The following PCDHA1 variants were observed in gnomAD, a reference collection of about 807,000 sequenced individuals.
PCDHA1 encodes protocadherin alpha-1.
A neutral mutation model predicts 61.3 loss-of-function variants in PCDHA1; 42 were observed. That is an observed-to-expected ratio of 0.69 (90% CI 0.54 to 0.89). The LOEUF (loss-of-function observed/expected upper bound fraction) is 0.89, where lower values mean the gene tolerates loss of function less well. Among genes scored for constraint, PCDHA1 ranks in the 40% least tolerant of loss-of-function variants. PCDHA1 has a pLI of 0.00. For synonymous variants in PCDHA1, 610 were observed against 553.8 expected, an observed-to-expected ratio of 1.10 and a Z score of -1.43; for missense variants, 1,256 against 1,235.3, an observed-to-expected ratio of 1.02 and a Z score of -0.25.
chr5:141,005,959 A>G (rs1225421383), intron 3 of PCDHA1, among the ~76,000 whole-genome samples: 1 of 152,048 alleles, frequency 6.6e-6, no homozygotes, highest in African/African-American at 2.4e-5. Context: ...ACAAACAACA[A>G]TAAAAAAACA....
intron 1 of PCDHA1, chr5:140,842,186 G>A (rs2150331306): frequency 1.3e-5 from 21 of 1,613,692 alleles, no homozygotes; most frequent in Middle Eastern, 1.6e-4. Flanking sequence ...TGAAACTATG[G>A]TTATTGACCA....
At chr5:140,881,340 C>T (rs782406068) in intron 1 of PCDHA1, 10 of 984,934 alleles carry the variant, frequency 1.0e-5, no homozygotes, top group African/African-American at 5.2e-5. Context: ...GACGCCGATT[C>T]GGGCTACAAT....
At chr5:140,842,747 A>G (rs2150343510) in intron 1 of PCDHA1, 1 of 1,594,914 alleles carries the variant, frequency 6.3e-7, no homozygotes, top group Admixed American at 1.7e-5. Flanking sequence ...CCACATCTTC[A>G]CGGTGTCTGC....
At chr5:140,801,978 G>A in intron 1 of PCDHA1, 1 of 1,614,188 alleles carries the variant, frequency 6.2e-7, no homozygotes, top group South Asian at 1.1e-5. Flanking sequence ...TGGTACCCTA[G>A]TGGTGACCGT....
At chr5:140,965,015 C>A (rs187456244) in intron 1 of PCDHA1, among the ~76,000 whole-genome samples, 116 of 152,260 alleles carry the variant, frequency 7.6e-4, no homozygotes, top group Non-Finnish European at 1.2e-3. Context: ...AGGATCACAA[C>A]CTTGGCTCCT....
chr5:140,802,697 G>T, intron 1 of PCDHA1: 1 of 1,612,720 alleles, frequency 6.2e-7, no homozygotes, highest in South Asian at 1.1e-5. Flanking sequence ...GGCGGGTGGG[G>T]GAGCGCGCGC....
intron 1 of PCDHA1, chr5:140,969,336 GA>G: frequency 2.5e-6 from 4 of 1,613,996 alleles, no homozygotes; most frequent in Non-Finnish European, 3.4e-6. Context: ...AATGAGGTGA[GA>G]CAGTGGTCAG....
chr5:140,993,282 C>G lies in PCDHA1; in HGVS notation c.2542+10719C>G, dbSNP rs183298575. On this transcript the variant is annotated intron_variant, in intron 3 of 3. Transcript: ENST00000504120. Reference sequence around the variant, plus strand: ...ATTAGCTTCTTTGGTCTTTTCTTGCCCAGGGTCACAACCTTGCCTCCAGGA... The same window carrying G: ...ATTAGCTTCTTTGGTCTTTTCTTGCGCAGGGTCACAACCTTGCCTCCAGGA... Among the ~76,000 whole-genome samples, 618 of 151,922 alleles carry G rather than the reference C, an allele frequency of 4.1e-3. 6 individuals are homozygous for G. Among genetic ancestry groups the G allele is most frequent in the Non-Finnish European group, 5.9e-3 (399 of 67,976 alleles).
At chr5:140,925,682 G>A (rs1554202871) in intron 1 of PCDHA1, among the ~76,000 whole-genome samples, 1 of 122,672 alleles carries the variant, frequency 8.2e-6, no homozygotes, top group Non-Finnish European at 1.8e-5. Context: ...ATAATAAAGC[G>A]AGGGTGGGTA....
chr5:140,898,040 GT>G (rs1301370622), intron 1 of PCDHA1, among the ~76,000 whole-genome samples: 7 of 151,970 alleles, frequency 4.6e-5, no homozygotes, highest in Non-Finnish European at 8.8e-5. Flanking sequence ...GGGGTTGTTT[GT>G]TTTTTTCTTG....
chr5:140,823,676 G>T, intron 1 of PCDHA1: 19 of 1,614,042 alleles, frequency 1.2e-5, no homozygotes, highest in Admixed American at 1.7e-5. Flanking sequence ...AGCACAACAC[G>T]CTCTCTGGAT....
chr5:140,852,980 G>C (rs782092693), intron 1 of PCDHA1: 1 of 347,518 alleles, frequency 2.9e-6, no homozygotes, highest in Non-Finnish European at 4.2e-6. Flanking sequence ...CCGTGTTCAC[G>C]CCATTCTCCT....
At chr5:140,817,419 A>T (rs2150098151) in intron 1 of PCDHA1, 7 of 152,168 alleles carry the variant, frequency 4.6e-5, no homozygotes, top group Non-Finnish European at 1.0e-4. Flanking sequence ...GAGTTGGTAT[A>T]CCTGTGGAGG....
chr5:140,830,561 A>T (rs1473385985), intron 1 of PCDHA1: 9 of 998,078 alleles, frequency 9.0e-6, no homozygotes, highest in Non-Finnish European at 1.2e-5. Flanking sequence ...TGTCTTCTAT[A>T]TTTCTGTTTT....
Position 140,850,212 on chromosome 5 carries a change from A to C in PCDHA1, c.2394+61528A>C, listed in dbSNP as rs1411639882. 10 of 1,593,368 alleles carry C rather than the reference A, an allele frequency of 6.3e-6. No individual in the cohort carries two copies. Among genetic ancestry groups the C allele is most frequent in the Non-Finnish European group, 8.6e-6 (10 of 1,167,568 alleles). ...GCTGCTGACACCTCGGATGAGGGGC[A>C]CTGACGGCGCAGTGAGCGAGATGGT... On this transcript the variant is annotated intron_variant, in intron 1 of 3. Transcript: ENST00000504120.
chr5:140,869,610 C>T (rs782688712), intron 1 of PCDHA1: 1 of 1,613,928 alleles, frequency 6.2e-7, no homozygotes, highest in South Asian at 1.1e-5. Flanking sequence ...CTCTATTGAC[C>T]TACAGGCTAA....
chr5:140,877,488 C>A lies in PCDHA1; in HGVS notation c.2394+88804C>A, dbSNP rs781785108. On this transcript the variant is annotated intron_variant, in intron 1 of 3. Coordinates refer to ENST00000504120, the MANE Select transcript of PCDHA1 (RefSeq NM_018900.4). ...CGGTGCTGGTGTCGCTGGTGGAGAACGGCCAGGCCCCAAAGACGTCGTCGC... is the reference window on the plus strand; with the variant it reads ...CGGTGCTGGTGTCGCTGGTGGAGAAAGGCCAGGCCCCAAAGACGTCGTCGC... The A allele has an allele frequency of 2.5e-6, 4 of 1,613,736 alleles. No individual in the cohort carries two copies. The African/African-American group carries it at 5.3e-5, about 22-fold the overall frequency.
At chr5:140,871,852 T>A (rs767921370) in intron 1 of PCDHA1, among the ~76,000 whole-genome samples, 12 of 152,354 alleles carry the variant, frequency 7.9e-5, no homozygotes, top group African/African-American at 2.4e-4. Flanking sequence ...ATTATGACCA[T>A]AATAACTATG....
chr5:140,803,623 G>A (rs1763251132), intron 1 of PCDHA1: 3 of 1,613,908 alleles, frequency 1.9e-6, no homozygotes, highest in South Asian at 1.1e-5. Context: ...TTTCCAAAAT[G>A]TCTTTGTTTT....
Sources: gnomAD v4.1 joint callset for allele counts (sites outside exome capture counted in the v4.1 genomes callset) on GRCh38, gnomAD v4.1.1 for gene constraint, MANE v1.5 for transcripts, NCBI Gene and HGNC (gene_info 2026-07-23, HGNC 2026-07-21) for gene names.